NRG3: variants seen among roughly 807,000 people sequenced by gnomAD.
NRG3 encodes the protein pro-neuregulin-3, membrane-bound isoform.
In NRG3, 31 loss-of-function variants were observed where a neutral mutation model predicts 66.9. The ratio of observed to expected loss-of-function variants is 0.46; its 90% CI spans 0.35 to 0.63. NRG3 has a LOEUF of 0.63. NRG3 is among the 20% of genes least tolerant of loss of function. NRG3 has a pLI of 0.00. For missense variants in NRG3, 910 were observed against 878.9 expected, an observed-to-expected ratio of 1.04 and a Z score of -0.45; for synonymous variants, 393 against 359.4, an observed-to-expected ratio of 1.09 and a Z score of -1.06.
chr10:82,949,365 T>C (rs1849307887), intron 4 of NRG3, among the ~76,000 whole-genome samples: 1 of 152,142 alleles, frequency 6.6e-6, no homozygotes, highest in Non-Finnish European at 1.5e-5. Flanking sequence ...TTTTTCGGAA[T>C]CATGATAATA....
intron 1 of NRG3, among the ~76,000 whole-genome samples, chr10:81,976,909 A>G (rs2060145579): frequency 6.6e-6 from 1 of 152,186 alleles, no homozygotes; most frequent in African/African-American, 2.4e-5. Flanking sequence ...AAACACTCAC[A>G]CACAAATCTT....
intron 1 of NRG3, among the ~76,000 whole-genome samples, chr10:82,072,228 G>C (rs1260610218): frequency 6.6e-6 from 1 of 152,156 alleles, no homozygotes; most frequent in Non-Finnish European, 1.5e-5. Flanking sequence ...GAGCCAACAG[G>C]ACTTTCTGAA....
chr10:81,951,179 C>T (rs1213286861), intron 1 of NRG3, among the ~76,000 whole-genome samples: 1 of 152,064 alleles, frequency 6.6e-6, no homozygotes, highest in Non-Finnish European at 1.5e-5. Flanking sequence ...GTCGTACCAC[C>T]GTTCAAATTG....
At position 82,643,325 on chromosome 10, in the gene NRG3, C is replaced by A. The variant is rs537505653; in HGVS notation, c.954-95252C>A. The stretch of plus-strand genomic sequence containing the variant: ...GGTTTTAAAAAGGAGAGTTTCCCTG[C>A]AGAAGCTCTCTCTCTCTTTGCCTGC... On this transcript the variant is annotated intron_variant, in intron 2 of 8. Coordinates refer to ENST00000372141, the MANE Select transcript of NRG3 (RefSeq NM_001010848.4). Among the ~76,000 whole-genome samples, 223 of 152,188 alleles carry A rather than the reference C, an allele frequency of 1.5e-3. 1 individual carries two copies. The highest frequency in any genetic ancestry group is 5.2e-3 in the African/African-American group (215 of 41,528).
At chr10:81,912,806 C>T (rs906391826) in intron 1 of NRG3, among the ~76,000 whole-genome samples, 1 of 152,158 alleles carries the variant, frequency 6.6e-6, no homozygotes, top group Admixed American at 6.5e-5. Context: ...AACCAGGGGG[C>T]TGAAGCACAC....
intron 1 of NRG3, among the ~76,000 whole-genome samples, chr10:82,004,471 T>C (rs1252036810): frequency 6.6e-6 from 1 of 152,152 alleles, no homozygotes. Flanking sequence ...TTATTTACCA[T>C]GTGGCTTCCA....
chr10:82,201,587 G>A (rs2074828502), intron 1 of NRG3, among the ~76,000 whole-genome samples: 1 of 152,082 alleles, frequency 6.6e-6, no homozygotes. Flanking sequence ...TATTGAGAAG[G>A]CAAACCTTCA....
intron 1 of NRG3, among the ~76,000 whole-genome samples, chr10:82,015,242 G>A (rs2207775): frequency 0.5 from 76,445 of 151,888 alleles, 19,774 homozygotes; most frequent in Admixed American, 0.62. Flanking sequence ...TAATGTATGA[G>A]CAGATGAACC....
intron 2 of NRG3, among the ~76,000 whole-genome samples, chr10:82,464,400 T>A (rs1328501653): frequency 6.6e-6 from 1 of 152,148 alleles, no homozygotes. Context: ...ATTGACTCGA[T>A]GGGGGGAAGG....
chr10:82,717,132 G>GA lies in NRG3; in HGVS notation c.954-21438dup, dbSNP rs530313493. The stretch of plus-strand genomic sequence containing the variant: ...ATAGAGTGGCAGTAATCAAAATAAA[G>GA]AAAAAAATACAATACCTTAAAGATG... On this transcript the variant is annotated intron_variant, in intron 2 of 8. Coordinates refer to ENST00000372141, the MANE Select transcript of NRG3 (RefSeq NM_001010848.4). Among the ~76,000 whole-genome samples, 840 of 151,792 alleles carry GA rather than the reference G, an allele frequency of 5.5e-3. 10 individuals are homozygous for GA. Among genetic ancestry groups the GA allele is most frequent in the African/African-American group, 0.019 (793 of 41,440 alleles).
At chr10:82,851,422 A>T (rs904880086) in intron 3 of NRG3, among the ~76,000 whole-genome samples, 1 of 152,196 alleles carries the variant, frequency 6.6e-6, no homozygotes, top group East Asian at 1.9e-4. Flanking sequence ...CAGCAGCAGC[A>T]TGCATATTTA....
At chr10:82,875,471 T>C (rs1841730447) in intron 4 of NRG3, among the ~76,000 whole-genome samples, 1 of 152,126 alleles carries the variant, frequency 6.6e-6, no homozygotes, top group African/African-American at 2.4e-5. Flanking sequence ...CTTCTTCCCA[T>C]TTTAACCTCC....
At chr10:82,322,717 T>C (rs1480356684) in intron 1 of NRG3, among the ~76,000 whole-genome samples, 5 of 152,186 alleles carry the variant, frequency 3.3e-5, no homozygotes, top group African/African-American at 1.2e-4. Context: ...TATAACAGAA[T>C]CAGTTCTTGT....
intron 1 of NRG3, among the ~76,000 whole-genome samples, chr10:81,941,864 TA>T (rs1848431530): frequency 6.6e-6 from 1 of 152,102 alleles, no homozygotes; most frequent in Non-Finnish European, 1.5e-5. Context: ...CATTGATTTT[TA>T]CATATTGAAC....
intron 1 of NRG3, among the ~76,000 whole-genome samples, chr10:82,314,268 T>C: frequency 6.6e-6 from 1 of 151,976 alleles, no homozygotes; most frequent in East Asian, 1.9e-4. Flanking sequence ...AATAGAGGAG[T>C]TGTGGGTTGA....
At chr10:82,967,261 A>G (rs1353726473) in intron 6 of NRG3, among the ~76,000 whole-genome samples, 2 of 151,622 alleles carry the variant, frequency 1.3e-5, no homozygotes, top group Non-Finnish European at 2.9e-5. Flanking sequence ...ATAGACTAAC[A>G]CATATCTAAA....
chr10:82,260,287 C>T (rs1273457645), intron 1 of NRG3, among the ~76,000 whole-genome samples: 1 of 152,160 alleles, frequency 6.6e-6, no homozygotes, highest in African/African-American at 2.4e-5. Context: ...GTACAAATAA[C>T]ACATGGGAGA....
chr10:82,494,361 C>A lies in NRG3; in HGVS notation c.953+135493C>A, dbSNP rs1048294351. 1.1e-4 allele frequency among the ~76,000 whole-genome samples: 16 copies of A among 152,088 alleles called. 1 individual carries two copies. Among genetic ancestry groups the A allele is most frequent in the Non-Finnish European group, 1.0e-4 (7 of 68,004 alleles). ...TAACACACACATAGGTAAGAAAACT[C>A]AAATACGATCTCCTTTTGCAAAATT... On this transcript the variant is annotated intron_variant, in intron 2 of 8. Coordinates refer to ENST00000372141, the MANE Select transcript of NRG3 (RefSeq NM_001010848.4).
intron 4 of NRG3, among the ~76,000 whole-genome samples, chr10:82,890,806 A>G (rs940819662): frequency 2.0e-5 from 3 of 152,112 alleles, no homozygotes; most frequent in African/African-American, 7.2e-5. Flanking sequence ...TCTTTTCTGC[A>G]CCTTAAATGG....
Sources: gnomAD v4.1 joint callset for allele counts (sites outside exome capture counted in the v4.1 genomes callset) on GRCh38, gnomAD v4.1.1 for gene constraint, MANE v1.5 for transcripts, NCBI Gene and HGNC (gene_info 2026-07-23, HGNC 2026-07-21) for gene names.